ARAP2: variants seen among roughly 807,000 people sequenced by gnomAD.
ARAP2 encodes the protein arf-GAP with Rho-GAP domain, ANK repeat and PH domain-containing protein 2.
In ARAP2, 148 loss-of-function variants were observed where a neutral mutation model predicts 194.5. That is an observed-to-expected ratio of 0.76 (90% confidence interval 0.67 to 0.87). The LOEUF is 0.87. Among genes scored for constraint, ARAP2 ranks in the 40% least tolerant of loss-of-function variants. The pLI is 0.00. For missense variants in ARAP2, 2,128 were observed against 1,989.7 expected, an observed-to-expected ratio of 1.07 and a Z score of -1.32; for synonymous variants, 695 against 683.5, an observed-to-expected ratio of 1.02 and a Z score of -0.26.
At chr4:36,042,450 G>C (rs1367274616) in intron 5 of ARAP2, among the ~76,000 whole-genome samples, 2 of 152,118 alleles carry the variant, frequency 1.3e-5, no homozygotes, top group Non-Finnish European at 2.9e-5. Context: ...TTAATGTGAT[G>C]GACTTTAACC....
chr4:36,206,017 A>G (rs1176859884), intron 6 of ARAP2, among the ~76,000 whole-genome samples: 2 of 152,234 alleles, frequency 1.3e-5, no homozygotes, highest in Non-Finnish European at 2.9e-5. Context: ...AAGGTGACTG[A>G]CATATAACAC....
chr4:36,221,488 A>G (rs1023953431), intron 2 of ARAP2, among the ~76,000 whole-genome samples: 1 of 152,074 alleles, frequency 6.6e-6, no homozygotes, highest in Non-Finnish European at 1.5e-5. Context: ...CTTGTTCCTC[A>G]CCCAGGACCT....
intron 26 of ARAP2, among the ~76,000 whole-genome samples, chr4:36,111,812 C>A (rs1720063873): frequency 6.6e-6 from 1 of 151,970 alleles, no homozygotes; most frequent in Non-Finnish European, 1.5e-5. Flanking sequence ...TCCTCATCCA[C>A]CTGCTTGCTC....
intron 2 of ARAP2, among the ~76,000 whole-genome samples, chr4:36,225,048 A>G (rs1006256007): frequency 2.6e-5 from 4 of 152,200 alleles, no homozygotes; most frequent in African/African-American, 9.6e-5. Context: ...TATTTTTAAT[A>G]AAAAGTTCAA....
intron 2 of ARAP2, among the ~76,000 whole-genome samples, chr4:36,052,258 T>C (rs1722790339): frequency 6.6e-6 from 1 of 152,224 alleles, no homozygotes. Context: ...CAAACATTAA[T>C]AACTTTTAAT....
At chr4:36,169,662 G>GC (rs1736141548) in intron 9 of ARAP2, among the ~76,000 whole-genome samples, 1 of 151,954 alleles carries the variant, frequency 6.6e-6, no homozygotes, top group Admixed American at 6.6e-5. Flanking sequence ...CTCCTGAGTA[G>GC]CTGGGACTAC....
chr4:36,161,443 A>T (rs1342158418), intron 12 of ARAP2, 22 bp downstream of exon 12: 2 of 1,600,584 alleles, frequency 1.2e-6, no homozygotes, highest in Non-Finnish European at 1.7e-6. Flanking sequence ...TCACAACCCC[A>T]TTCAGGTTAA....
chr4:36,010,345 G>C (rs1714236787), intron 9 of ARAP2, among the ~76,000 whole-genome samples: 1 of 151,906 alleles, frequency 6.6e-6, no homozygotes, highest in African/African-American at 2.4e-5. Flanking sequence ...AGAAAGAAAT[G>C]AGCTTGCTAA....
Position 36,083,418 on chromosome 4 carries a change from A to T in ARAP2, c.4458T>A (p.Ser1486Arg). 2 of 1,607,518 alleles carry T rather than the reference A, an allele frequency of 1.2e-6. No homozygotes were observed. The highest frequency in any genetic ancestry group is 1.7e-5 in the Admixed American group (1 of 59,006). The change falls in exon 29 of 33, where the codon AGT becomes AGA. Residue 1486 changes from serine to arginine, a missense_variant. Physicochemically the swap from Ser to Arg is moderately radical, Grantham distance 110 (BLOSUM62 -1). Transcript: ENST00000303965. Reference protein sequence around the residue: ...SSKHDKMFSLSSMKFYRGVKK... With the variant: ...SSKHDKMFSLRSMKFYRGVKK... ...TCACTCCACGATAAAACTTCATGGAACTGAGAGAAAACATCTTGTCATGTT... is the reference window on the plus strand; with the variant it reads ...TCACTCCACGATAAAACTTCATGGATCTGAGAGAAAACATCTTGTCATGTT...
chr4:36,102,896 C>T lies in ARAP2; in HGVS notation c.4285+4669G>A, dbSNP rs1260116412. ...AGAAAATGTCAGGAAATTGGTACTCCATAGTAAATATCAGTGACTATCATC... is the reference window on the plus strand; with the variant it reads ...AGAAAATGTCAGGAAATTGGTACTCTATAGTAAATATCAGTGACTATCATC... On this transcript the variant is annotated intron_variant, in intron 27 of 32. Transcript: ENST00000303965. 2.6e-5 allele frequency among the ~76,000 whole-genome samples: 4 copies of T among 151,446 alleles called. No individual in the cohort carries two copies. The East Asian group carries it at 7.8e-4, about 29-fold the overall frequency.
At chr4:36,080,440 T>C (rs1003743664) in intron 30 of ARAP2, among the ~76,000 whole-genome samples, 161 bp from the exon 31 acceptor site, 5 of 152,214 alleles carry the variant, frequency 3.3e-5, no homozygotes, top group African/African-American at 1.2e-4. Flanking sequence ...GTTGTTTTGG[T>C]CTTCTGCTAA....
Position 36,229,649 on chromosome 4 carries a change from GA to G in ARAP2, c.-159-5del. 1 of 466,734 alleles carries G rather than the reference GA, an allele frequency of 2.1e-6. No individual in the cohort carries two copies. Among genetic ancestry groups the G allele is most frequent in the Non-Finnish European group, 3.7e-6 (1 of 270,902 alleles). 28.9% of individuals were successfully genotyped at this position (466,734 alleles called of 1,614,324 possible). On this transcript the variant is annotated splice_polypyrimidine_tract_variant and splice_region_variant and intron_variant, in intron 1 of 32. Coordinates refer to ENST00000303965, the MANE Select transcript of ARAP2 (RefSeq NM_015230.4). ...TGACTGCTTTACCTGCTTAAGCCTA[GA>G]AAAAAATAAAAAATGATTCATTAGG...
At chr4:36,115,508 A>G (rs1721099812) in intron 25 of ARAP2, among the ~76,000 whole-genome samples, 1 of 152,032 alleles carries the variant, frequency 6.6e-6, no homozygotes, top group Non-Finnish European at 1.5e-5. Flanking sequence ...CAGGAAAACC[A>G]GAACTCTATT....
At chr4:36,213,917 G>T (rs546195167) in intron 3 of ARAP2, among the ~76,000 whole-genome samples, 6 of 152,004 alleles carry the variant, frequency 3.9e-5, no homozygotes, top group African/African-American at 1.4e-4. Context: ...TTTCTACTCT[G>T]GCAAAAATTT....
downstream of ARAP2, among the ~76,000 whole-genome samples, chr4:36,062,633 A>AGAGTGTGTGTGTGT (rs1553882454): frequency 1.3e-5 from 2 of 148,170 alleles, no homozygotes; most frequent in African/African-American, 5.0e-5. Context: ...TTTGTGTGAG[A>AGAGTGTGTGTGTGT]GTGTGTGTGT....
At chr4:36,141,237 T>A (rs1400357750) in intron 19 of ARAP2, among the ~76,000 whole-genome samples, 1 of 151,108 alleles carries the variant, frequency 6.6e-6, no homozygotes, top group Non-Finnish European at 1.5e-5. Flanking sequence ...GACAATATTA[T>A]TTTTTTATTT....
chr4:36,149,594 T>G (rs1730459981), intron 16 of ARAP2, among the ~76,000 whole-genome samples: 1 of 152,202 alleles, frequency 6.6e-6, no homozygotes, highest in Non-Finnish European at 1.5e-5. Flanking sequence ...CAAGAATATT[T>G]TAAACATATT....
At chr4:36,081,539 T>C (rs2109346244) in intron 30 of ARAP2, among the ~76,000 whole-genome samples, 1 of 152,296 alleles carries the variant, frequency 6.6e-6, no homozygotes, top group East Asian at 1.9e-4. Flanking sequence ...GCAACAATTC[T>C]GTGCTTGATC....
intron 22 of ARAP2, among the ~76,000 whole-genome samples, chr4:36,123,920 C>T (rs557766425): frequency 6.6e-6 from 1 of 151,862 alleles, no homozygotes; most frequent in East Asian, 1.9e-4. Context: ...TCCCCTGGAC[C>T]ACAACACACA....
Sources: gnomAD v4.1 joint callset for allele counts (sites outside exome capture counted in the v4.1 genomes callset) on GRCh38, gnomAD v4.1.1 for gene constraint, MANE v1.5 for transcripts, NCBI Gene and HGNC (gene_info 2026-07-23, HGNC 2026-07-21) for gene names.